ASCC2: variants seen among roughly 807,000 people sequenced by gnomAD.
ASCC2 encodes the protein activating signal cointegrator 1 complex subunit 2.
Under a neutral mutation model 93.5 loss-of-function variants are expected in ASCC2, and 42 were observed. The observed-to-expected ratio is 0.45, with a 90% CI of 0.35 to 0.58. The LOEUF (loss-of-function observed/expected upper bound fraction) is 0.58. Ranked by LOEUF, ASCC2 falls within the 20% of genes least tolerant of loss-of-function variation. The probability of loss-of-function intolerance (pLI) is 0.00; values close to 1 mark genes in which losing one functional copy is unlikely to be tolerated. For synonymous variants in ASCC2, 364 were observed against 384.2 expected (o/e 0.95, Z 0.62); for missense variants, 859 against 977.6 (o/e 0.88, Z 1.62).
intron 5 of ASCC2, among the ~76,000 whole-genome samples, chr22:29,816,967 C>T (rs1228808138): frequency 6.6e-6 from 1 of 152,202 alleles, no homozygotes; most frequent in African/African-American, 2.4e-5. Flanking sequence ...TAGGTGTTCT[C>T]TGCCTTTGGG....
chr22:29,801,955 C>T, intron 14 of ASCC2, 39 bp downstream of exon 14: 1 of 1,540,372 alleles, frequency 6.5e-7, no homozygotes, highest in South Asian at 1.2e-5. Context: ...CCCGAGGCAG[C>T]CTGGGCAGCG....
At chr22:29,828,343 T>C (rs1259131119) in intron 2 of ASCC2, among the ~76,000 whole-genome samples, 2 of 152,170 alleles carry the variant, frequency 1.3e-5, no homozygotes, top group African/African-American at 4.8e-5. Context: ...TGCCAGCCAC[T>C]AAGCAGGCAC....
intron 17 of ASCC2, among the ~76,000 whole-genome samples, 156 bp downstream of exon 17, chr22:29,793,204 T>G (rs1423686343): frequency 6.6e-6 from 1 of 152,036 alleles, no homozygotes; most frequent in Non-Finnish European, 1.5e-5. Context: ...GCTGCCCCAT[T>G]CAGGGTGGGC....
intron 2 of ASCC2, among the ~76,000 whole-genome samples, chr22:29,827,097 C>CAAAAAA (rs58520896): frequency 1.7e-5 from 1 of 57,204 alleles, no homozygotes; most frequent in African/African-American, 5.7e-5. Context: ...GACTCCATCT[C>CAAAAAA]AAAAAAAAAA....
intron 11 of ASCC2, 65 bp from the exon 12 acceptor site, chr22:29,806,355 A>T (rs965493920): frequency 6.3e-7 from 1 of 1,586,060 alleles, no homozygotes; most frequent in African/African-American, 1.3e-5. Flanking sequence ...GTGCTGCTGC[A>T]GGCCACTCCC....
At chr22:29,817,566 G>A (rs1831718009) in intron 5 of ASCC2, among the ~76,000 whole-genome samples, 1 of 152,116 alleles carries the variant, frequency 6.6e-6, no homozygotes, top group South Asian at 2.1e-4. Context: ...GGCATTAGGA[G>A]AGGTCTCCTC....
chr22:29,812,268 T>G (rs1025630907), intron 8 of ASCC2, among the ~76,000 whole-genome samples: 4 of 152,170 alleles, frequency 2.6e-5, no homozygotes, highest in African/African-American at 9.6e-5. Context: ...AACGTCTTGC[T>G]AGAGTGACAA....
At chr22:29,802,404 G>A (rs753807883) in intron 13 of ASCC2, among the ~76,000 whole-genome samples, 196 bp from the exon 14 acceptor site, 9 of 152,012 alleles carry the variant, frequency 5.9e-5, no homozygotes, top group African/African-American at 1.7e-4. Context: ...AAGGGGGCTC[G>A]TGATTGTTAT....
intron 19 of ASCC2, 80 bp downstream of exon 19, chr22:29,790,389 G>A: frequency 1.4e-6 from 2 of 1,447,866 alleles, no homozygotes; most frequent in Non-Finnish European, 1.9e-6. Context: ...GGGTGTACGT[G>A]TGGGTTTCCT....
rs3838960 is a variant in ASCC2, at chr22:29,838,203, T to TGCCGCCGCCGCCGCCGCCGCC, written c.-64_-44dup. ...CTCGGCGGCTCCACCACCGGCTCTG[T>TGCCGCCGCCGCCGCCGCCGCC]GCCGCCGCCGCCGCCGCCGCCGCCG... On this transcript the variant is annotated 5_prime_UTR_variant, in exon 1 of 20. Transcript: ENST00000307790. 349 of 459,016 alleles carry TGCCGCCGCCGCCGCCGCCGCC rather than the reference T, an allele frequency of 7.6e-4. 40 individuals are homozygous for TGCCGCCGCCGCCGCCGCCGCC. Among genetic ancestry groups the TGCCGCCGCCGCCGCCGCCGCC allele is most frequent in the East Asian group, 2.2e-3 (32 of 14,834 alleles). The allele number at this position is 459,016 out of a possible 1,614,324, so 28.4% of individuals were successfully genotyped here. A position where few individuals can be genotyped will look rare whatever the true frequency, so the allele number is the denominator to read the frequency against.
In ASCC2 at chr22:29,801,121, G is replaced by C; in HGVS notation, c.1569-11C>G. On this transcript the variant is annotated splice_polypyrimidine_tract_variant and intron_variant, in intron 14 of 19. Transcript: ENST00000307790. ...TCTGGTTTCATTTCTCTGGGTGGGG[G>C]ACACAGAGATCAATTTAAGGGGGCC... 6.3e-7 allele frequency: 1 copy of C among 1,584,794 alleles called. No homozygotes were observed. The highest frequency in any genetic ancestry group is 8.6e-7 in the Non-Finnish European group (1 of 1,157,354).
intron 8 of ASCC2, among the ~76,000 whole-genome samples, chr22:29,808,936 A>G (rs2059984321): frequency 6.6e-6 from 1 of 151,994 alleles, no homozygotes; most frequent in Admixed American, 6.6e-5. Context: ...CCTGGCCAAC[A>G]TGGTGAAGCC....
intron 16 of ASCC2, 41 bp from the exon 17 acceptor site, chr22:29,793,531 G>A (rs1055767039): frequency 6.2e-7 from 1 of 1,613,852 alleles, no homozygotes; most frequent in Non-Finnish European, 8.5e-7. Flanking sequence ...CTCAGGGGCT[G>A]GCCTGGTTTC....
chr22:29,827,872 C>A lies in ASCC2; in HGVS notation c.82-2092G>T, dbSNP rs112616107. On this transcript the variant is annotated intron_variant, in intron 2 of 19. Transcript: ENST00000307790. ...CATTCTCCTGACACACACACACACA[C>A]ACACACACCAGGCTACTCATTCTTC... Among the ~76,000 whole-genome samples the A allele has an allele frequency of 3.6e-3, 449 of 125,812 alleles. 50 individuals carry two copies. The highest frequency in any genetic ancestry group is 0.017 in the African/African-American group (402 of 23,712). 82.5% of individuals were successfully genotyped at this position (125,812 alleles called of 152,430 possible).
chr22:29,827,757 GAC>G (rs35763537), intron 2 of ASCC2, among the ~76,000 whole-genome samples: 12,602 of 100,802 alleles, frequency 0.13, 1,105 homozygotes, highest in South Asian at 0.35. Context: ...TCATTCTCCC[GAC>G]ACACACACAC....
At position 29,788,946 on chromosome 22, in the gene ASCC2, C is replaced by T; in HGVS notation, c.*67G>A. The T allele has an allele frequency of 6.2e-7, 1 of 1,600,506 alleles. No homozygotes were observed. Among genetic ancestry groups the T allele is most frequent in the Non-Finnish European group, 8.5e-7 (1 of 1,170,210 alleles). On this transcript the variant is annotated 3_prime_UTR_variant, in exon 20 of 20. Transcript: ENST00000307790. Reference sequence around the variant, plus strand: ...ACTTGGGGCCCCTAGTGAGGAGGCCCCAGGCGATGGGAGCACGGCCTGGTG... The same window carrying T: ...ACTTGGGGCCCCTAGTGAGGAGGCCTCAGGCGATGGGAGCACGGCCTGGTG...
chr22:29,795,594 C>T (rs1246428754), intron 15 of ASCC2, among the ~76,000 whole-genome samples: 1 of 152,198 alleles, frequency 6.6e-6, no homozygotes, highest in Non-Finnish European at 1.5e-5. Context: ...GTCTCTTCCA[C>T]AGCTCAAGTT....
Position 29,793,192 on chromosome 22 carries a change from A to G in ASCC2, c.1919+168T>C, listed in dbSNP as rs150333670. On this transcript the variant is annotated intron_variant, in intron 17 of 19. Coordinates refer to ENST00000307790, the MANE Select transcript of ASCC2 (RefSeq NM_032204.5). ...AAAGCTACTGCATGACACCGAATAA[A>G]TGCTGCCCCATTCAGGGTGGGCTGG... Among the ~76,000 whole-genome samples the G allele has an allele frequency of 2.4e-3, 372 of 152,220 alleles. 2 individuals are homozygous for G. The highest frequency in any genetic ancestry group is 0.01 in the Middle Eastern group (3 of 294).
chr22:29,803,437 C>A (rs2059332381), intron 13 of ASCC2, among the ~76,000 whole-genome samples: 1 of 152,094 alleles, frequency 6.6e-6, no homozygotes, highest in South Asian at 2.1e-4. Flanking sequence ...TACCACCCAC[C>A]TCATGGGGTT....
Sources: gnomAD v4.1 joint callset for allele counts (sites outside exome capture counted in the v4.1 genomes callset) on GRCh38, gnomAD v4.1.1 for gene constraint, MANE v1.5 for transcripts, NCBI Gene and HGNC (gene_info 2026-07-23, HGNC 2026-07-21) for gene names.